Variants in LARS2 observed in about 807,000 individuals in gnomAD.
LARS2 encodes the protein leucine--tRNA ligase, mitochondrial.
Under a neutral mutation model 116.6 loss-of-function variants are expected in LARS2, and 81 were observed. The observed-to-expected ratio is 0.69, with a 90% CI of 0.58 to 0.84. The LOEUF (loss-of-function observed/expected upper bound fraction) is 0.84, where lower values mean the gene tolerates loss of function less well. Ranked by LOEUF, LARS2 falls within the 40% of genes least tolerant of loss-of-function variation. The pLI, the probability that LARS2 is intolerant of heterozygous loss-of-function variation, is 0.00. For missense variants in LARS2, 968 were observed against 1,114.5 expected (o/e 0.87, Z 1.87); for synonymous variants, 396 against 407.2 (o/e 0.97, Z 0.33).
intron 4 of LARS2, among the ~76,000 whole-genome samples, chr3:45,403,158 C>G (rs1698182415): frequency 1.3e-5 from 2 of 148,370 alleles, no homozygotes; most frequent in Non-Finnish European, 3.0e-5. Context: ...AATGAATTGG[C>G]TCTTTGCCTA....
At chr3:45,489,815 T>G (rs1016136972) in intron 12 of LARS2, among the ~76,000 whole-genome samples, 1 of 152,150 alleles carries the variant, frequency 6.6e-6, no homozygotes, top group Non-Finnish European at 1.5e-5. Flanking sequence ...GAGGGGGGCA[T>G]GGATCAGACA....
intron 1 of LARS2, among the ~76,000 whole-genome samples, chr3:45,390,872 C>T (rs1180919431): frequency 1.3e-5 from 2 of 151,768 alleles, no homozygotes; most frequent in Non-Finnish European, 1.5e-5. Context: ...GATCTCCTGA[C>T]CTTGTGATCC....
At chr3:45,462,174 C>T (rs1699336743) in intron 8 of LARS2, among the ~76,000 whole-genome samples, 1 of 152,170 alleles carries the variant, frequency 6.6e-6, no homozygotes, top group South Asian at 2.1e-4. Context: ...GCTGCCAAGA[C>T]TGAACTGGGA....
intron 8 of LARS2, among the ~76,000 whole-genome samples, chr3:45,467,286 T>A (rs2125714512): frequency 6.6e-6 from 1 of 152,312 alleles, no homozygotes; most frequent in African/African-American, 2.4e-5. Flanking sequence ...TACATGTCAA[T>A]ACTGTGTTTT....
At chr3:45,448,283 A>G (rs1222259644) in intron 7 of LARS2, among the ~76,000 whole-genome samples, 3 of 152,250 alleles carry the variant, frequency 2.0e-5, no homozygotes, top group African/African-American at 7.2e-5. Flanking sequence ...ACACATGACC[A>G]GATGGAGAAA....
intron 6 of LARS2, among the ~76,000 whole-genome samples, chr3:45,420,489 T>A (rs1698497524): frequency 6.6e-6 from 1 of 152,208 alleles, no homozygotes. Flanking sequence ...AAGTTTATAT[T>A]GTTTTCTTTA....
intron 6 of LARS2, among the ~76,000 whole-genome samples, chr3:45,430,441 G>A (rs556894030): frequency 1.4e-3 from 193 of 141,276 alleles, no homozygotes; most frequent in Middle Eastern, 8.9e-3. Context: ...ACCATGCCCC[G>A]CTAAATTTTT....
intron 19 of LARS2, among the ~76,000 whole-genome samples, chr3:45,521,093 A>G (rs1700446082): frequency 1.3e-5 from 2 of 152,074 alleles, no homozygotes; most frequent in African/African-American, 4.8e-5. Context: ...TCACGAGGTC[A>G]GGAGATCAAG....
chr3:45,521,950 T>G (rs563694001), intron 19 of LARS2, among the ~76,000 whole-genome samples: 1 of 151,830 alleles, frequency 6.6e-6, no homozygotes, highest in Admixed American at 6.6e-5. Flanking sequence ...TGTAAAAAAT[T>G]TAAAAATTAG....
At chr3:45,533,055 A>G (rs533879377) in intron 20 of LARS2, among the ~76,000 whole-genome samples, 31 of 150,430 alleles carry the variant, frequency 2.1e-4, no homozygotes, top group Non-Finnish European at 3.1e-4. Flanking sequence ...AGCTGCAGCC[A>G]TATTATATTA....
At chr3:45,528,862 T>C (rs1287245765) in intron 20 of LARS2, among the ~76,000 whole-genome samples, 1 of 114,372 alleles carries the variant, frequency 8.7e-6, no homozygotes, top group African/African-American at 3.5e-5. Context: ...TTAAATACTT[T>C]TCTACAACAT....
intron 16 of LARS2, among the ~76,000 whole-genome samples, chr3:45,513,906 T>C (rs1265344760): frequency 2.0e-5 from 3 of 151,972 alleles, no homozygotes; most frequent in African/African-American, 7.3e-5. Context: ...ATATATGACA[T>C]GTTAGAAAAT....
chr3:45,502,671 G>A (rs1350299279), intron 15 of LARS2, among the ~76,000 whole-genome samples: 6 of 152,108 alleles, frequency 3.9e-5, no homozygotes, highest in South Asian at 4.1e-4. Flanking sequence ...TCGGCCTCCC[G>A]AAGTGCTGGG....
intron 20 of LARS2, among the ~76,000 whole-genome samples, chr3:45,535,094 T>C (rs112932940): frequency 0.048 from 7,300 of 152,118 alleles, 181 homozygotes; most frequent in Middle Eastern, 0.085. Context: ...TGGCTCACTC[T>C]TGTAATCCCA....
intron 4 of LARS2, among the ~76,000 whole-genome samples, chr3:45,411,988 G>C (rs2125682535): frequency 6.6e-6 from 1 of 152,282 alleles, no homozygotes; most frequent in Non-Finnish European, 1.5e-5. Context: ...TTGGCCTCCA[G>C]CTCCATCCAT....
intron 4 of LARS2, among the ~76,000 whole-genome samples, chr3:45,411,331 G>C (rs1698327346): frequency 6.6e-6 from 1 of 152,220 alleles, no homozygotes. Flanking sequence ...CCCTAGTAGA[G>C]AGCAGTTATG....
At chr3:45,542,314 G>A (rs192132390) in intron 21 of LARS2, among the ~76,000 whole-genome samples, 47 of 152,270 alleles carry the variant, frequency 3.1e-4, no homozygotes, top group Non-Finnish European at 6.3e-4. Context: ...GGGGACTTTT[G>A]GGGGCTGGGG....
chr3:45,412,942 G>A (rs1698355598), intron 4 of LARS2, among the ~76,000 whole-genome samples: 2 of 152,228 alleles, frequency 1.3e-5, no homozygotes, highest in South Asian at 2.1e-4. Flanking sequence ...TCTGCTGATG[G>A]ACTGCTCCTG....
At chr3:45,540,618 G>A (rs541272825) in intron 20 of LARS2, among the ~76,000 whole-genome samples, 1 of 152,274 alleles carries the variant, frequency 6.6e-6, no homozygotes, top group Admixed American at 6.5e-5. Flanking sequence ...CTCCAGAATG[G>A]GCATGCTGGC....
Sources: gnomAD v4.1 joint callset for allele counts (sites outside exome capture counted in the v4.1 genomes callset) on GRCh38, gnomAD v4.1.1 for gene constraint, MANE v1.5 for transcripts, NCBI Gene and HGNC (gene_info 2026-07-23, HGNC 2026-07-21) for gene names.